The following RYR3 variants were observed in gnomAD, a reference collection of about 807,000 sequenced individuals.
RYR3 encodes brain ryanodine receptor-calcium release channel.
RYR3 carries 207 observed loss-of-function variants against 584.3 expected under a neutral mutation model. The observed-to-expected ratio is 0.35, with a 90% confidence interval of 0.32 to 0.40. RYR3 has a LOEUF of 0.40. Ranked by LOEUF, RYR3 falls within the 10% of genes least tolerant of loss-of-function variation. The pLI, the probability that RYR3 is intolerant of heterozygous loss-of-function variation, is 1.00. For missense variants in RYR3, 5,616 were observed against 6,089.2 expected (o/e 0.92, Z 2.59); for synonymous variants, 2,416 against 2,248.5 (o/e 1.07, Z -2.11).
At chr15:33,598,394 T>G (rs2059492822) in intron 16 of RYR3, among the ~76,000 whole-genome samples, 1 of 145,936 alleles carries the variant, frequency 6.9e-6, no homozygotes, top group Admixed American at 6.9e-5. Flanking sequence ...TTAAAAAAGT[T>G]TTTTTTTAAA....
chr15:33,494,903 T>C (rs2142567217), intron 2 of RYR3, among the ~76,000 whole-genome samples: 1 of 152,328 alleles, frequency 6.6e-6, no homozygotes, highest in African/African-American at 2.4e-5. Flanking sequence ...AGGCAAGCTC[T>C]CTTTTCTCAA....
intron 16 of RYR3, among the ~76,000 whole-genome samples, chr15:33,592,572 C>G (rs1400384230): frequency 6.6e-6 from 1 of 152,192 alleles, no homozygotes; most frequent in African/African-American, 2.4e-5. Flanking sequence ...TCCCCTATAC[C>G]TGCAAGTGAA....
At chr15:33,785,538 G>A in intron 65 of RYR3, 124 bp from the exon 66 acceptor site, 2 of 763,444 alleles carry the variant, frequency 2.6e-6, no homozygotes, top group Middle Eastern at 3.8e-4. Flanking sequence ...CCACATCCAA[G>A]CTCACTGCTG....
intron 67 of RYR3, among the ~76,000 whole-genome samples, chr15:33,788,972 A>T (rs1327250646): frequency 6.6e-6 from 1 of 152,128 alleles, no homozygotes; most frequent in Non-Finnish European, 1.5e-5. Context: ...GGTGGGGTGG[A>T]GTTGTGTTTT....
intron 2 of RYR3, among the ~76,000 whole-genome samples, chr15:33,499,447 T>A (rs1462882640): frequency 6.6e-6 from 1 of 152,172 alleles, no homozygotes. Context: ...ATTCATTTGC[T>A]TCACTGACAT....
chr15:33,403,243 A>C (rs1211036865), intron 1 of RYR3, among the ~76,000 whole-genome samples: 1 of 134,448 alleles, frequency 7.4e-6, no homozygotes, highest in African/African-American at 2.7e-5. Context: ...TAGGTAGAAA[A>C]TTAAGGCAAT....
chr15:33,477,846 G>A (rs1322159773), intron 2 of RYR3, among the ~76,000 whole-genome samples: 1 of 112,112 alleles, frequency 8.9e-6, no homozygotes, highest in East Asian at 2.5e-4. Context: ...CTGCACTCCA[G>A]CCTGGGCGAC....
chr15:33,500,339 G>C (rs2051856168), intron 2 of RYR3, among the ~76,000 whole-genome samples: 1 of 152,326 alleles, frequency 6.6e-6, no homozygotes, highest in East Asian at 1.9e-4. Flanking sequence ...TTGCCAGATA[G>C]AGAAATGCTA....
chr15:33,690,493 C>T (rs1464113941), intron 38 of RYR3, among the ~76,000 whole-genome samples: 1 of 152,194 alleles, frequency 6.6e-6, no homozygotes. Flanking sequence ...ATGAGATATT[C>T]TTCTTACGTG....
chr15:33,551,716 G>C (rs1298915042), intron 10 of RYR3, among the ~76,000 whole-genome samples: 2 of 151,770 alleles, frequency 1.3e-5, no homozygotes, highest in Non-Finnish European at 2.9e-5. Context: ...ATTTCATTCT[G>C]GTTTTCTGAG....
intron 1 of RYR3, among the ~76,000 whole-genome samples, chr15:33,350,944 A>G (rs1178257767): frequency 6.6e-6 from 1 of 152,136 alleles, no homozygotes; most frequent in Non-Finnish European, 1.5e-5. Flanking sequence ...GACACAAAAA[A>G]CCCTTCAAAA....
intron 24 of RYR3, among the ~76,000 whole-genome samples, 200 bp from the exon 25 acceptor site, chr15:33,634,386 A>G (rs938414235): frequency 3.6e-4 from 55 of 152,168 alleles, no homozygotes; most frequent in Non-Finnish European, 4.4e-5. Flanking sequence ...GAGCATTAGT[A>G]AAATGTTTCC....
At chr15:33,665,088 C>G (rs962884589) in intron 36 of RYR3, among the ~76,000 whole-genome samples, 18 of 152,008 alleles carry the variant, frequency 1.2e-4, no homozygotes, top group African/African-American at 4.4e-4. Context: ...CAAATGTTGT[C>G]AGGCTGCTTT....
intron 38 of RYR3, among the ~76,000 whole-genome samples, chr15:33,693,500 A>C (rs1252393995): frequency 6.6e-6 from 1 of 152,260 alleles, no homozygotes; most frequent in African/African-American, 2.4e-5. Context: ...TGATGAAATT[A>C]AGGAGGAAAG....
chr15:33,418,874 G>A (rs2044021877), intron 1 of RYR3, among the ~76,000 whole-genome samples: 1 of 152,090 alleles, frequency 6.6e-6, no homozygotes, highest in African/African-American at 2.4e-5. Flanking sequence ...GAGGACAGGA[G>A]AAACCAGAAC....
At chr15:33,680,251 A>G (rs1302932833) in intron 38 of RYR3, among the ~76,000 whole-genome samples, 6 of 152,242 alleles carry the variant, frequency 3.9e-5, no homozygotes, top group Admixed American at 1.3e-4. Flanking sequence ...TATACAAAGC[A>G]TAGATCATAA....
intron 90 of RYR3, 78 bp downstream of exon 90, chr15:33,840,961 T>A: frequency 7.6e-7 from 1 of 1,312,162 alleles, no homozygotes; most frequent in Admixed American, 1.8e-5. Flanking sequence ...CTCGCACCTG[T>A]AATCCCAGCA....
intron 38 of RYR3, among the ~76,000 whole-genome samples, chr15:33,695,899 C>G (rs1239311289): frequency 6.6e-6 from 1 of 151,178 alleles, no homozygotes; most frequent in Non-Finnish European, 1.5e-5. Flanking sequence ...AGTCCTCCCA[C>G]CTCAGCCTCC....
At chr15:33,735,440 G>A (rs2069364578) in intron 48 of RYR3, among the ~76,000 whole-genome samples, 1 of 152,132 alleles carries the variant, frequency 6.6e-6, no homozygotes. Context: ...TAACAAAGGG[G>A]TGTCAGCTTT....
Sources: allele counts gnomAD v4.1 joint callset (sites outside exome capture counted in the v4.1 genomes callset), GRCh38; gene constraint gnomAD v4.1.1; transcripts MANE v1.5; gene names NCBI Gene and HGNC (gene_info 2026-07-23, HGNC 2026-07-21).